GLIS3: variants seen among roughly 807,000 people sequenced by gnomAD.
GLIS3 encodes GLIS family zinc finger 3.
A neutral mutation model predicts 78.6 loss-of-function variants in GLIS3; 53 were observed. The ratio of observed to expected loss-of-function variants is 0.67; its 90% CI spans 0.54 to 0.85. GLIS3 has a LOEUF of 0.85. Among genes scored for constraint, GLIS3 ranks in the 40% least tolerant of loss-of-function variants. The pLI is 0.00. For missense variants in GLIS3, 1,703 were observed against 1,231.1 expected, an observed-to-expected ratio of 1.38 and a Z score of -5.74; for synonymous variants, 684 against 509.9, an observed-to-expected ratio of 1.34 and a Z score of -4.60.
At chr9:3,876,636 GAGAGAGAGAGAGAGAGAGAGAA>G in intron 8 of GLIS3, among the ~76,000 whole-genome samples, 1 of 57,944 alleles carries the variant, frequency 1.7e-5, no homozygotes, top group Admixed American at 1.9e-4. Flanking sequence ...ACCAAAGTCA[GAGAGAGAGAGAGAGAGAGAGAA>G]AGAGAGAGAG....
At chr9:4,141,751 C>A (rs1833834526) in intron 2 of GLIS3, among the ~76,000 whole-genome samples, 1 of 152,146 alleles carries the variant, frequency 6.6e-6, no homozygotes, top group South Asian at 2.1e-4. Context: ...CCTTTTGGCT[C>A]AGAAAATTTG....
intron 2 of GLIS3, among the ~76,000 whole-genome samples, chr9:4,335,188 A>C (rs1040543902): frequency 6.6e-6 from 1 of 152,122 alleles, no homozygotes; most frequent in Non-Finnish European, 1.5e-5. Context: ...GATTACAGGC[A>C]TGAGCCACCG....
intron 8 of GLIS3, among the ~76,000 whole-genome samples, chr9:3,860,377 T>C (rs1820123518): frequency 6.6e-6 from 1 of 151,054 alleles, no homozygotes; most frequent in African/African-American, 2.4e-5. Context: ...GAATGTCTGA[T>C]TATTTGGGGG....
intron 4 of GLIS3, among the ~76,000 whole-genome samples, chr9:3,964,261 A>C (rs753996468): frequency 2.6e-5 from 4 of 152,232 alleles, no homozygotes; most frequent in Non-Finnish European, 5.9e-5. Flanking sequence ...TGAAGCTCGG[A>C]GCAAGCTCAT....
the GLIS3 span, among the ~76,000 whole-genome samples, chr9:4,398,791 A>G: frequency 2.0e-5 from 3 of 152,144 alleles, no homozygotes; most frequent in African/African-American, 7.2e-5. Context: ...CATTCAAGCA[A>G]TAATTCTCTG....
the GLIS3 span, among the ~76,000 whole-genome samples, chr9:4,418,499 G>C: frequency 1.9e-3 from 282 of 152,262 alleles, 2 homozygotes; most frequent in Middle Eastern, 0.01. Context: ...AAACATATTG[G>C]ACCAGGCTGG....
the GLIS3 span, among the ~76,000 whole-genome samples, chr9:4,436,577 G>C: frequency 2.0e-5 from 3 of 152,000 alleles, no homozygotes; most frequent in East Asian, 5.8e-4. Context: ...GGCCAAGGCG[G>C]GTGGATCACC....
At chr9:4,112,997 T>C (rs1438377692) in intron 4 of GLIS3, among the ~76,000 whole-genome samples, 1 of 144,584 alleles carries the variant, frequency 6.9e-6, no homozygotes, top group Non-Finnish European at 1.5e-5. Flanking sequence ...TTTATTTATC[T>C]ACATAAATCT....
chr9:4,467,849 G>T, the GLIS3 span, among the ~76,000 whole-genome samples: 1 of 152,034 alleles, frequency 6.6e-6, no homozygotes, highest in African/African-American at 2.4e-5. Context: ...CCGAGCTAAA[G>T]GAGGATGATC....
intron 7 of GLIS3, among the ~76,000 whole-genome samples, chr9:3,886,146 G>A (rs1822056701): frequency 6.6e-6 from 1 of 152,094 alleles, no homozygotes; most frequent in Admixed American, 6.6e-5. Context: ...CTCCCAAATG[G>A]TAAATCTCGA....
At chr9:4,258,766 T>C (rs1226582072) in intron 2 of GLIS3, among the ~76,000 whole-genome samples, 4 of 152,182 alleles carry the variant, frequency 2.6e-5, no homozygotes, top group South Asian at 2.1e-4. Flanking sequence ...CATGGGTCAA[T>C]GTAAATATAT....
At chr9:3,900,597 A>C (rs1214437215) in intron 6 of GLIS3, among the ~76,000 whole-genome samples, 1 of 152,208 alleles carries the variant, frequency 6.6e-6, no homozygotes, top group Non-Finnish European at 1.5e-5. Context: ...AGGGCTAATC[A>C]ATGATTTTAC....
the GLIS3 span, among the ~76,000 whole-genome samples, chr9:4,367,837 A>G: frequency 6.6e-6 from 1 of 152,288 alleles, no homozygotes; most frequent in South Asian, 2.1e-4. Context: ...TAGGCTAGGT[A>G]CTCACACATC....
chr9:4,140,149 C>T (rs1005748075), intron 2 of GLIS3, among the ~76,000 whole-genome samples: 7 of 152,116 alleles, frequency 4.6e-5, no homozygotes, highest in Non-Finnish European at 7.4e-5. Flanking sequence ...CATGGCGAAA[C>T]GCTGTCTCCA....
intron 8 of GLIS3, among the ~76,000 whole-genome samples, chr9:3,870,397 CAAATGA>C (rs376197386): frequency 9.2e-5 from 14 of 152,216 alleles, no homozygotes; most frequent in African/African-American, 3.4e-4. Context: ...TTTCTTGAAA[CAAATGA>C]AAATGAAAAT....
intron 2 of GLIS3, among the ~76,000 whole-genome samples, chr9:4,221,485 T>A (rs1191452535): frequency 6.6e-6 from 1 of 152,192 alleles, no homozygotes; most frequent in Non-Finnish European, 1.5e-5. Context: ...AATATTCTTC[T>A]CCCATTCTCC....
At chr9:4,114,403 A>T (rs1299352229) in intron 4 of GLIS3, among the ~76,000 whole-genome samples, 1 of 152,158 alleles carries the variant, frequency 6.6e-6, no homozygotes, top group Non-Finnish European at 1.5e-5. Flanking sequence ...TAGGAACATG[A>T]AACAGGGGTT....
intron 4 of GLIS3, among the ~76,000 whole-genome samples, chr9:4,024,190 C>T (rs896039924): frequency 1.3e-5 from 2 of 152,112 alleles, no homozygotes; most frequent in African/African-American, 4.8e-5. Flanking sequence ...CCATGCAACC[C>T]CCCAGTCTGT....
rs749668998 is a variant in GLIS3, at chr9:3,937,178, G to A, written c.1722C>T (p.Cys574=). The A allele has an allele frequency of 6.8e-6, 11 of 1,613,878 alleles. No homozygotes were observed. Among genetic ancestry groups the A allele is most frequent in the Admixed American group, 1.7e-5 (1 of 59,984 alleles). ...TTTCAAGCCTTGAAAAGGCCTTCTC[G>A]CAACCTTCAAACTGCAAAAAGAAAA... The part of the protein sequence containing the change: ...EKPNKCTFEG[C]EKAFSRLENL... The change falls in exon 5 of 11, where the codon TGC becomes TGT. Residue 574 remains cysteine, a synonymous_variant. Transcript: ENST00000381971.
Sources: gnomAD v4.1 joint callset for allele counts (sites outside exome capture counted in the v4.1 genomes callset) on GRCh38, gnomAD v4.1.1 for gene constraint, MANE v1.5 for transcripts, NCBI Gene and HGNC (gene_info 2026-07-23, HGNC 2026-07-21) for gene names.